LYPD6B: variants seen among roughly 807,000 people sequenced by gnomAD.
LYPD6B encodes ly6/PLAUR domain-containing protein 6B.
In LYPD6B, 17 loss-of-function variants were observed where a neutral mutation model predicts 22.8. That is an observed-to-expected ratio of 0.75 (90% confidence interval 0.51 to 1.12). The LOEUF is 1.12. Among genes scored for constraint, LYPD6B ranks in the 50% most tolerant of loss-of-function variants. LYPD6B has a pLI of 0.00. For synonymous variants in LYPD6B, 106 were observed against 91.6 expected, an observed-to-expected ratio of 1.16 and a Z score of -0.90; for missense variants, 221 against 258.3, an observed-to-expected ratio of 0.86 and a Z score of 0.99.
At chr2:149,147,628 T>C (rs1296491565) in intron 2 of LYPD6B, among the ~76,000 whole-genome samples, 2 of 152,060 alleles carry the variant, frequency 1.3e-5, no homozygotes, top group Admixed American at 1.3e-4. Flanking sequence ...ATTCTCCCCC[T>C]GCAGCCTCTG....
chr2:149,136,352 A>G (rs2105739471), intron 2 of LYPD6B, among the ~76,000 whole-genome samples: 1 of 152,332 alleles, frequency 6.6e-6, no homozygotes, highest in South Asian at 2.1e-4. Flanking sequence ...AGTGCCCTGG[A>G]CTAAATGAAA....
chr2:149,100,349 G>C (rs374886706), intron 1 of LYPD6B, among the ~76,000 whole-genome samples: 12 of 130,702 alleles, frequency 9.2e-5, no homozygotes, highest in Middle Eastern at 4.6e-3. Flanking sequence ...TTCAAAATTA[G>C]TATTCAAAAG....
At chr2:149,161,072 G>A (rs1050300782) in intron 3 of LYPD6B, among the ~76,000 whole-genome samples, 3 of 152,282 alleles carry the variant, frequency 2.0e-5, no homozygotes, top group South Asian at 2.1e-4. Context: ...CATGCTCAGC[G>A]AATGGTTGGT....
chr2:149,050,736 G>C (rs1201498077), intron 1 of LYPD6B, among the ~76,000 whole-genome samples: 1 of 152,198 alleles, frequency 6.6e-6, no homozygotes, highest in Admixed American at 6.5e-5. Context: ...GGAAGAGCCA[G>C]TAGGTCAAAC....
chr2:149,140,028 T>C (rs1160781883), intron 2 of LYPD6B, among the ~76,000 whole-genome samples: 1 of 151,608 alleles, frequency 6.6e-6, no homozygotes, highest in Non-Finnish European at 1.5e-5. Context: ...TGGGGGTGGA[T>C]TTTTTTTTCT....
intron 2 of LYPD6B, among the ~76,000 whole-genome samples, chr2:149,148,736 C>G (rs926445397): frequency 6.6e-6 from 1 of 152,158 alleles, no homozygotes; most frequent in Non-Finnish European, 1.5e-5. Flanking sequence ...TCTCTGTGCC[C>G]TCTAGATTGC....
intron 1 of LYPD6B, among the ~76,000 whole-genome samples, chr2:149,113,625 C>T (rs991267363): frequency 9.2e-5 from 14 of 152,202 alleles, no homozygotes; most frequent in East Asian, 1.9e-4. Flanking sequence ...TGTGTATATG[C>T]TGTTCCATTT....
At chr2:149,076,933 G>A (rs1684904935) in intron 1 of LYPD6B, among the ~76,000 whole-genome samples, 1 of 152,168 alleles carries the variant, frequency 6.6e-6, no homozygotes, top group Non-Finnish European at 1.5e-5. Flanking sequence ...GCTGGGGTTA[G>A]AGTTGGTTCT....
intron 1 of LYPD6B, among the ~76,000 whole-genome samples, chr2:149,098,195 T>C (rs1392081927): frequency 6.6e-6 from 1 of 150,516 alleles, no homozygotes; most frequent in Non-Finnish European, 1.5e-5. Flanking sequence ...ACATTCTGAG[T>C]TCAATTTTGA....
chr2:149,136,882 A>T (rs1269752387), intron 2 of LYPD6B, among the ~76,000 whole-genome samples: 1 of 152,220 alleles, frequency 6.6e-6, no homozygotes, highest in Non-Finnish European at 1.5e-5. Flanking sequence ...AAGAAGATTG[A>T]TTGGTTTTTG....
chr2:149,198,693 G>A (rs1315285444), intron 3 of LYPD6B, among the ~76,000 whole-genome samples: 1 of 152,128 alleles, frequency 6.6e-6, no homozygotes, highest in Non-Finnish European at 1.5e-5. Context: ...CTTTGGCATT[G>A]CAAAATATAC....
intron 1 of LYPD6B, among the ~76,000 whole-genome samples, chr2:149,090,829 A>G (rs1685615729): frequency 6.6e-6 from 1 of 152,200 alleles, no homozygotes; most frequent in South Asian, 2.1e-4. Context: ...ACAGGCATTG[A>G]TCATTTTGAA....
chr2:149,077,417 C>T (rs1161964925), intron 1 of LYPD6B: 1 of 152,102 alleles, frequency 6.6e-6, no homozygotes, highest in East Asian at 1.9e-4. Context: ...ATTTGAAAAC[C>T]TTATTTTTAT....
At position 149,047,418 on chromosome 2, in the gene LYPD6B, A is replaced by C. The variant is rs1282883680; in HGVS notation, c.-67+8617A>C. Among the ~76,000 whole-genome samples, 9 of 152,274 alleles carry C rather than the reference A, an allele frequency of 5.9e-5. No homozygotes were observed. The East Asian group carries it at 1.7e-3, about 29-fold the overall frequency. On this transcript the variant is annotated intron_variant, in intron 1 of 6. Transcript: ENST00000409642. ...TTCAGGACTTTAAAAATGTTGCTTC[A>C]TTCTCTTCTTGTATGCCTCTGACAA...
At chr2:149,104,169 G>T (rs1165696945) in intron 1 of LYPD6B, among the ~76,000 whole-genome samples, 2 of 152,070 alleles carry the variant, frequency 1.3e-5, no homozygotes, top group Non-Finnish European at 2.9e-5. Flanking sequence ...TGGACATTTG[G>T]GTTGGCTTTA....
chr2:149,117,560 G>C (rs896261068), intron 1 of LYPD6B, among the ~76,000 whole-genome samples: 3 of 152,134 alleles, frequency 2.0e-5, no homozygotes, highest in Admixed American at 2.0e-4. Flanking sequence ...TTTGGAATTA[G>C]TGTGGCATTT....
intron 1 of LYPD6B, among the ~76,000 whole-genome samples, chr2:149,123,996 GC>G (rs1687538709): frequency 6.6e-6 from 1 of 152,086 alleles, no homozygotes; most frequent in Non-Finnish European, 1.5e-5. Flanking sequence ...ATCCAGGAAG[GC>G]CCCCCGGGCT....
chr2:149,081,472 T>A (rs1305691693), intron 1 of LYPD6B, among the ~76,000 whole-genome samples: 1 of 152,198 alleles, frequency 6.6e-6, no homozygotes, highest in Non-Finnish European at 1.5e-5. Flanking sequence ...AATCTAGATA[T>A]TACTGATATT....
At chr2:149,112,877 T>C (rs1686825938) in intron 1 of LYPD6B, among the ~76,000 whole-genome samples, 1 of 152,212 alleles carries the variant, frequency 6.6e-6, no homozygotes, top group Non-Finnish European at 1.5e-5. Flanking sequence ...TTCCATTCAG[T>C]ATAGTTTCTG....
Sources: allele counts gnomAD v4.1 joint callset (sites outside exome capture counted in the v4.1 genomes callset), GRCh38; gene constraint gnomAD v4.1.1; transcripts MANE v1.5; gene names NCBI Gene and HGNC (gene_info 2026-07-23, HGNC 2026-07-21).